FRYL: variants seen among roughly 807,000 people sequenced by gnomAD.
FRYL encodes the protein protein furry homolog-like.
A neutral mutation model predicts 351.2 loss-of-function variants in FRYL; 150 were observed. That is an observed-to-expected ratio of 0.43 (90% confidence interval 0.37 to 0.49). The LOEUF (loss-of-function observed/expected upper bound fraction) is 0.49. FRYL is among the 20% of genes least tolerant of loss of function. The probability of loss-of-function intolerance (pLI) is 0.00; values close to 1 mark genes in which losing one functional copy is unlikely to be tolerated. For missense variants in FRYL, 3,036 were observed against 3,619.3 expected, an observed-to-expected ratio of 0.84 and a Z score of 4.13; for synonymous variants, 1,153 against 1,257.1, an observed-to-expected ratio of 0.92 and a Z score of 1.75.
In FRYL at chr4:48,654,718, G is replaced by A. The variant is rs763524607; in HGVS notation, c.-80-20228C>T. Among the ~76,000 whole-genome samples the A allele has an allele frequency of 5.3e-5, 8 of 152,298 alleles. No homozygotes were observed. In the East Asian group the frequency reaches 5.8e-4, roughly 11 times the overall value. ...TATAGTCAAAATGTCAATGAATAGC[G>A]AGAAATCCTCTGGTCAAACAAAATA... On this transcript the variant is annotated intron_variant, in intron 3 of 63. Transcript: ENST00000358350.
rs1774161745 is a variant in FRYL, at chr4:48,759,289, C to G, written c.-384+20789G>C. 2.6e-5 allele frequency among the ~76,000 whole-genome samples: 4 copies of G among 152,082 alleles called. No homozygotes were observed. In the South Asian group the frequency reaches 8.3e-4, roughly 32 times the overall value. ...GGCTCAAGTGAAAAGAAAATGGACA[C>G]CTTTTTCTCACAAAAAGGAAAACTA... On this transcript the variant is annotated intron_variant, in intron 1 of 63. Transcript: ENST00000358350.
chr4:48,707,192 T>A (rs1767458865), intron 2 of FRYL, among the ~76,000 whole-genome samples: 1 of 152,222 alleles, frequency 6.6e-6, no homozygotes, highest in Non-Finnish European at 1.5e-5. Context: ...TTTCATTTTT[T>A]AATTATTTTT....
At chr4:48,548,451 G>A (rs538242917) in intron 40 of FRYL, among the ~76,000 whole-genome samples, 1 of 152,220 alleles carries the variant, frequency 6.6e-6, no homozygotes, top group Admixed American at 6.5e-5. Flanking sequence ...GTTTGTGTGT[G>A]GGCAGGCGAG....
rs1030476268 is a variant in FRYL at position 48,582,802 on chromosome 4, A to T, written c.1749-68T>A. The T allele has an allele frequency of 6.0e-6, 6 of 1,001,424 alleles. No homozygotes were observed. In the African/African-American group the frequency reaches 9.6e-5, roughly 16 times the overall value. 62.0% of individuals were successfully genotyped at this position (1,001,424 alleles called of 1,614,324 possible). A position where few individuals can be genotyped will look rare whatever the true frequency, so the allele number is the denominator to read the frequency against. ...AATTAGTTTTATCATCTGAAACTTAAAACTATGACCTTAAAATAAATGTCC... is the reference window on the plus strand; with the variant it reads ...AATTAGTTTTATCATCTGAAACTTATAACTATGACCTTAAAATAAATGTCC... On this transcript the variant is annotated intron_variant, in intron 19 of 63. Transcript: ENST00000358350.
intron 52 of FRYL, 127 bp downstream of exon 52, chr4:48,527,844 C>CT: frequency 7.0e-6 from 7 of 997,666 alleles, no homozygotes; most frequent in Non-Finnish European, 1.0e-5. Context: ...GATAAGAAAT[C>CT]TTTTTTTCAT....
At chr4:48,727,309 AAAAAC>A (rs1770185906) in intron 1 of FRYL, 1 of 152,194 alleles carries the variant, frequency 6.6e-6, no homozygotes, top group Admixed American at 6.5e-5. Flanking sequence ...AACAAATTGA[AAAAAC>A]AACAACAACA....
intron 49 of FRYL, among the ~76,000 whole-genome samples, chr4:48,533,803 C>G (rs571354373): frequency 6.6e-6 from 1 of 152,294 alleles, no homozygotes; most frequent in Non-Finnish European, 1.5e-5. Context: ...TTCTAAATAT[C>G]TGGCACTTTT....
At position 48,766,572 on chromosome 4, in the gene FRYL, G is replaced by C. The variant is rs545380659; in HGVS notation, c.-384+13506C>G. Among the ~76,000 whole-genome samples the C allele has an allele frequency of 1.1e-4, 17 of 152,264 alleles. No individual in the cohort carries two copies. In the South Asian group the frequency reaches 3.5e-3, roughly 32 times the overall value. On this transcript the variant is annotated intron_variant, in intron 1 of 63. Transcript: ENST00000358350. ...GATCTCTCAGCTAGAGCAAGGCAAA[G>C]AGCCATGATCCACCCAGTCACAGGG... is the stretch of plus-strand genomic sequence containing the variant.
intron 9 of FRYL, among the ~76,000 whole-genome samples, chr4:48,608,574 CAA>C (rs1177315565): frequency 6.6e-6 from 1 of 152,080 alleles, no homozygotes; most frequent in African/African-American, 2.4e-5. Flanking sequence ...CTTACCAATT[CAA>C]ACTCTGTTTA....
intron 1 of FRYL, among the ~76,000 whole-genome samples, chr4:48,775,223 A>G (rs936870428): frequency 1.3e-5 from 2 of 152,252 alleles, no homozygotes; most frequent in African/African-American, 4.8e-5. Context: ...ATGCCGAAAA[A>G]TAAACAAATG....
chr4:48,691,913 T>C (rs1252381698), intron 2 of FRYL, among the ~76,000 whole-genome samples: 3 of 152,178 alleles, frequency 2.0e-5, no homozygotes, highest in African/African-American at 4.8e-5. Flanking sequence ...TCCACTAATA[T>C]TGAGCATTAA....
intron 7 of FRYL, chr4:48,618,230 T>C (rs1049986808): frequency 2.6e-5 from 4 of 152,244 alleles, no homozygotes; most frequent in Non-Finnish European, 5.9e-5. Flanking sequence ...TAACCTTTAA[T>C]TAACTCTTCT....
At chr4:48,580,790 A>T in intron 22 of FRYL, 75 bp downstream of exon 22, 1 of 891,180 alleles carries the variant, frequency 1.1e-6, no homozygotes, top group Non-Finnish European at 1.8e-6. Flanking sequence ...TTATGTATGC[A>T]CATGTACATG....
intron 15 of FRYL, among the ~76,000 whole-genome samples, chr4:48,594,868 C>T (rs1744277364): frequency 6.6e-6 from 1 of 152,186 alleles, no homozygotes; most frequent in Non-Finnish European, 1.5e-5. Flanking sequence ...CTCATTAACA[C>T]CCATTTAATC....
intron 35 of FRYL, among the ~76,000 whole-genome samples, chr4:48,554,490 C>T (rs767311115): frequency 3.9e-5 from 6 of 152,118 alleles, no homozygotes; most frequent in African/African-American, 1.4e-4. Context: ...AGGTGCCTGC[C>T]GCCACACCCA....
At position 48,499,343 on chromosome 4, in the gene FRYL, G is replaced by C. The variant is rs971896545; in HGVS notation, c.*79C>G. ...TGCTGCCAGAAAGTTATCAGTGAAT[G>C]CAAGGGTCCATAAAAGGTGCTTGGT... On this transcript the variant is annotated 3_prime_UTR_variant, in exon 64 of 64. Transcript: ENST00000358350. 2 of 1,251,834 alleles carry C rather than the reference G, an allele frequency of 1.6e-6. No individual in the cohort carries two copies. 77.5% of individuals were successfully genotyped at this position (1,251,834 alleles called of 1,614,324 possible).
chr4:48,685,631 C>A (rs1765071696), intron 2 of FRYL, among the ~76,000 whole-genome samples: 1 of 152,168 alleles, frequency 6.6e-6, no homozygotes, highest in East Asian at 1.9e-4. Flanking sequence ...GGACCATGAA[C>A]TACTGTACCA....
At chr4:48,501,322 C>A (rs1408509531) in intron 62 of FRYL, among the ~76,000 whole-genome samples, 1 of 152,114 alleles carries the variant, frequency 6.6e-6, no homozygotes, top group African/African-American at 2.4e-5. Flanking sequence ...TCTCGAGTAA[C>A]TAGGACTATA....
In FRYL at chr4:48,568,802, T is replaced by C. The variant is rs1442575573; in HGVS notation, c.2997-1382A>G. Among the ~76,000 whole-genome samples, 5 of 152,204 alleles carry C rather than the reference T, an allele frequency of 3.3e-5. No homozygotes were observed. In the South Asian group the frequency reaches 1.0e-3, roughly 32 times the overall value. On this transcript the variant is annotated intron_variant, in intron 27 of 63. Coordinates refer to ENST00000358350, the MANE Select transcript of FRYL (RefSeq NM_015030.2). ...TTTCAAGCTCTGGATCATGACCTAC[T>C]AGTGGATAGGAAACTGATTTAGTGG...
Sources: allele counts gnomAD v4.1 joint callset (sites outside exome capture counted in the v4.1 genomes callset), GRCh38; gene constraint gnomAD v4.1.1; transcripts MANE v1.5; gene names NCBI Gene and HGNC (gene_info 2026-07-23, HGNC 2026-07-21).